The following TMED3 variants were observed in gnomAD, a reference collection of about 807,000 sequenced individuals.
TMED3 encodes transmembrane p24 trafficking protein 3, also known as transmembrane emp24 domain-containing protein 3.
TMED3 carries 9 observed loss-of-function variants against 15.0 expected under a neutral mutation model. The ratio of observed to expected loss-of-function variants is 0.60; its 90% confidence interval spans 0.36 to 1.04. The LOEUF (loss-of-function observed/expected upper bound fraction) is 1.04. TMED3 is among the 50% of genes least tolerant of loss of function. The pLI is 0.01. For missense variants in TMED3, 267 were observed against 278.9 expected, an observed-to-expected ratio of 0.96 and a Z score of 0.30; for synonymous variants, 117 against 121.4, an observed-to-expected ratio of 0.96 and a Z score of 0.24.
chr15:79,363,926 G>C (rs1893180352), intron 2 of TMED3, among the ~76,000 whole-genome samples: 1 of 152,138 alleles, frequency 6.6e-6, no homozygotes, highest in Admixed American at 6.5e-5. Context: ...ATGTCTTACA[G>C]GTAAGGGTTT....
chr15:79,316,845 T>C (rs138124974), intron 2 of TMED3, among the ~76,000 whole-genome samples: 66 of 152,186 alleles, frequency 4.3e-4, no homozygotes, highest in African/African-American at 1.5e-3. Flanking sequence ...AGGGGTTCTG[T>C]TGGTTTTCTG....
In TMED3 at chr15:79,322,137, G is replaced by A. The variant is rs767785383; in HGVS notation, c.577G>A (p.Val193Ile). 14 of 1,614,090 alleles carry A rather than the reference G, an allele frequency of 8.7e-6. No homozygotes were observed. Among genetic ancestry groups the A allele is most frequent in the Non-Finnish European group, 2.5e-6 (3 of 1,180,056 alleles). Reference sequence around the variant, plus strand: ...TGGCGAGACGATTGCCCTGTTCGTGGTCAGCTTCAGTCAGGTGCTACTGTT... The same window carrying A: ...TGGCGAGACGATTGCCCTGTTCGTGATCAGCTTCAGTCAGGTGCTACTGTT... ...SVGETIALFV[V>I]SFSQVLLLKS... Residue 193 changes from valine (V) to isoleucine (I), a missense_variant, in exon 3 of 3, where the codon GTC (valine) becomes ATC (isoleucine). By Grantham distance (29) the Val-to-Ile change is conservative. Transcript: ENST00000299705.
chr15:79,333,510 G>A (rs894573037), intron 2 of TMED3, among the ~76,000 whole-genome samples: 2 of 152,170 alleles, frequency 1.3e-5, no homozygotes, highest in African/African-American at 4.8e-5. Context: ...CATAGTTTAA[G>A]GCTATTTTCC....
chr15:79,312,148 C>T (rs147692287), intron 1 of TMED3, among the ~76,000 whole-genome samples: 412 of 152,300 alleles, frequency 2.7e-3, no homozygotes, highest in African/African-American at 9.7e-3. Context: ...GCATCATACT[C>T]AGACAGCTAT....
At chr15:79,395,243 G>C (rs1035822347) in intron 2 of TMED3, among the ~76,000 whole-genome samples, 1 of 152,186 alleles carries the variant, frequency 6.6e-6, no homozygotes, top group South Asian at 2.1e-4. Flanking sequence ...GCAGTGGCAC[G>C]ATCTCGGCCC....
At chr15:79,351,804 G>A (rs1055212997) in intron 2 of TMED3, among the ~76,000 whole-genome samples, 6 of 152,234 alleles carry the variant, frequency 3.9e-5, no homozygotes, top group Non-Finnish European at 5.9e-5. Context: ...ATTCACAATT[G>A]CAAAAATTTA....
intron 2 of TMED3, among the ~76,000 whole-genome samples, chr15:79,353,279 A>T (rs1368004899): frequency 6.3e-4 from 39 of 62,184 alleles, no homozygotes; most frequent in African/African-American, 1.6e-3. Context: ...TAATATATAT[A>T]ATATATATTA....
At chr15:79,340,593 T>C (rs145945208) in intron 2 of TMED3, among the ~76,000 whole-genome samples, 2 of 152,358 alleles carry the variant, frequency 1.3e-5, no homozygotes, top group East Asian at 3.9e-4. Context: ...ACCTGGCGTG[T>C]AGTCAACAGT....
Position 79,401,328 on chromosome 15 carries a change from A to G in TMED3, c.418-10072A>G, listed in dbSNP as rs1893830689. On this transcript the variant is annotated intron_variant, in intron 2 of 2. Coordinates refer to the TMED3 transcript ENST00000424155. ...GCTTGACAAATATTTAATAATTTGT[A>G]TTCTTATTTAGAAAAGAAGGAAAGA... Among the ~76,000 whole-genome samples, 4 of 152,220 alleles carry G rather than the reference A, an allele frequency of 2.6e-5. No homozygotes were observed. In the South Asian group the frequency reaches 8.3e-4, roughly 32 times the overall value.
chr15:79,384,928 G>A (rs905439592), intron 2 of TMED3, among the ~76,000 whole-genome samples: 1 of 152,142 alleles, frequency 6.6e-6, no homozygotes, highest in Non-Finnish European at 1.5e-5. Flanking sequence ...TTCACGGAGA[G>A]GAATGAAAGG....
At chr15:79,355,918 G>A (rs150814313) in intron 2 of TMED3, among the ~76,000 whole-genome samples, 20 of 152,304 alleles carry the variant, frequency 1.3e-4, no homozygotes, top group African/African-American at 2.4e-4. Context: ...GTAATTTACC[G>A]TTTAAGTTTT....
chr15:79,377,022 G>C (rs1893437027), intron 2 of TMED3, among the ~76,000 whole-genome samples: 1 of 152,102 alleles, frequency 6.6e-6, no homozygotes, highest in Admixed American at 6.5e-5. Context: ...ATTAGCTGTT[G>C]GCATTGCCAC....
At chr15:79,335,343 AC>A (rs1462953062) in intron 2 of TMED3, among the ~76,000 whole-genome samples, 1 of 152,232 alleles carries the variant, frequency 6.6e-6, no homozygotes, top group Non-Finnish European at 1.5e-5. Flanking sequence ...AACAACAAAG[AC>A]AAAAAAGCAA....
chr15:79,404,707 A>G (rs1279419699), intron 2 of TMED3, among the ~76,000 whole-genome samples: 1 of 152,138 alleles, frequency 6.6e-6, no homozygotes, highest in Non-Finnish European at 1.5e-5. Context: ...CCAGAAGTTT[A>G]TGTGTGGTTT....
intron 2 of TMED3, among the ~76,000 whole-genome samples, chr15:79,369,272 C>G (rs989866207): frequency 1.3e-5 from 2 of 152,072 alleles, no homozygotes; most frequent in Admixed American, 6.5e-5. Context: ...GGGGTTGCCT[C>G]GAGAGATAAT....
intron 1 of TMED3, among the ~76,000 whole-genome samples, chr15:79,312,357 C>T (rs916078272): frequency 6.6e-6 from 1 of 152,138 alleles, no homozygotes; most frequent in Non-Finnish European, 1.5e-5. Flanking sequence ...CAAATTGTGA[C>T]TGGGTTAACA....
At chr15:79,364,371 C>CG (rs901065309) in intron 2 of TMED3, among the ~76,000 whole-genome samples, 1 of 151,920 alleles carries the variant, frequency 6.6e-6, no homozygotes, top group African/African-American at 2.4e-5. Flanking sequence ...GGAGGTTCTC[C>CG]GGGGGCTCTT....
downstream of TMED3, among the ~76,000 whole-genome samples, chr15:79,326,857 T>G (rs2058789296): frequency 6.6e-6 from 1 of 152,128 alleles, no homozygotes; most frequent in South Asian, 2.1e-4. Context: ...AATACCCAAG[T>G]CTGAGTAACT....
chr15:79,343,742 G>A (rs1300709820), intron 2 of TMED3, among the ~76,000 whole-genome samples: 1 of 152,132 alleles, frequency 6.6e-6, no homozygotes, highest in Non-Finnish European at 1.5e-5. Context: ...CTCTTGGGTT[G>A]AATATGAGGC....
Sources: gnomAD v4.1 joint callset for allele counts (sites outside exome capture counted in the v4.1 genomes callset) on GRCh38, gnomAD v4.1.1 for gene constraint, MANE v1.5 for transcripts, NCBI Gene and HGNC (gene_info 2026-07-23, HGNC 2026-07-21) for gene names.